RASGRP3: variants seen among roughly 807,000 people sequenced by gnomAD.
RASGRP3 encodes the protein RAS guanyl releasing protein 3.
In RASGRP3, 54 loss-of-function variants were observed where a neutral mutation model predicts 82.7. The ratio of observed to expected loss-of-function variants is 0.65; its 90% CI spans 0.52 to 0.82. The LOEUF (loss-of-function observed/expected upper bound fraction) is 0.82. Ranked by LOEUF, RASGRP3 falls within the 40% of genes least tolerant of loss-of-function variation. The pLI, the probability that RASGRP3 is intolerant of heterozygous loss-of-function variation, is 0.00. For synonymous variants in RASGRP3, 309 were observed against 300.5 expected (o/e 1.03, Z -0.29); for missense variants, 861 against 828.9 (o/e 1.04, Z -0.48).
At chr2:33,554,494 A>G (rs1574495050) in intron 14 of RASGRP3, among the ~76,000 whole-genome samples, 2 of 151,562 alleles carry the variant, frequency 1.3e-5, no homozygotes, top group African/African-American at 2.4e-5. Flanking sequence ...TTTTTTTGAG[A>G]TGGACTCTTG....
chr2:33,463,842 C>T (rs941248308), intron 2 of RASGRP3, among the ~76,000 whole-genome samples: 4 of 151,504 alleles, frequency 2.6e-5, no homozygotes, highest in Non-Finnish European at 4.4e-5. Context: ...CCTCGTGATC[C>T]GCCTGCCTCG....
At chr2:33,464,537 A>G (rs1666576271) in intron 2 of RASGRP3, among the ~76,000 whole-genome samples, 1 of 150,876 alleles carries the variant, frequency 6.6e-6, no homozygotes, top group African/African-American at 2.4e-5. Context: ...GCAGTGGCCA[A>G]TCACAGCTCA....
At position 33,537,330 on chromosome 2, in the gene RASGRP3, C is replaced by CCCCAACACA. The variant is rs66749495; in HGVS notation, c.1162-1763_1162-1762insCCAACACAC. ...TACACACACACACACACCGCCCCCC[C>CCCCAACACA]CACACACACACACAAGTATATATAT... On this transcript the variant is annotated intron_variant, in intron 11 of 17. Transcript: ENST00000403687. Among the ~76,000 whole-genome samples the CCCCAACACA allele has an allele frequency of 4.1e-3, 391 of 95,696 alleles. 20 individuals carry two copies. The highest frequency in any genetic ancestry group is 0.017 in the African/African-American group (364 of 21,910). 62.8% of individuals were successfully genotyped at this position (95,696 alleles called of 152,430 possible).
chr2:33,549,478 T>G, intron 13 of RASGRP3, 126 bp from the exon 14 acceptor site: 1 of 879,284 alleles, frequency 1.1e-6, no homozygotes, highest in Non-Finnish European at 1.7e-6. Context: ...TGAGATGTAA[T>G]AGAGAAGTGA....
chr2:33,505,459 C>T (rs1670279010), intron 1 of RASGRP3, among the ~76,000 whole-genome samples: 1 of 151,978 alleles, frequency 6.6e-6, no homozygotes, highest in Non-Finnish European at 1.5e-5. Context: ...TGAGCCACCA[C>T]TCCCGGCTAA....
Position 33,547,342 on chromosome 2 carries a change from C to CTTTTTTTTTTT in RASGRP3, c.1395-2243_1395-2233dup, listed in dbSNP as rs59601670. On this transcript the variant is annotated intron_variant, in intron 13 of 17. Transcript: ENST00000403687. ...CCCGCAAGCTTGAGAATATAGAATC[C>CTTTTTTTTTTT]TTTTTTTTTTTTTTTTTTTTTTTTT... 6.8e-3 allele frequency among the ~76,000 whole-genome samples: 461 copies of CTTTTTTTTTTT among 68,212 alleles called. 57 individuals carry two copies. Among genetic ancestry groups the CTTTTTTTTTTT allele is most frequent in the Non-Finnish European group, 9.0e-3 (351 of 39,022 alleles). The allele number at this position is 68,212 out of a possible 152,430, so 44.7% of individuals were successfully genotyped here. A position where few individuals can be genotyped will look rare whatever the true frequency, so the allele number is the denominator to read the frequency against.
At chr2:33,447,622 C>G (rs536216328) in intron 1 of RASGRP3, among the ~76,000 whole-genome samples, 10 of 151,928 alleles carry the variant, frequency 6.6e-5, no homozygotes, top group Non-Finnish European at 1.0e-4. Context: ...TTAGTAGAGA[C>G]GAGGTTTCAC....
upstream of RASGRP3, among the ~76,000 whole-genome samples, chr2:33,474,738 C>A (rs1667257187): frequency 6.6e-6 from 1 of 152,206 alleles, no homozygotes; most frequent in South Asian, 2.1e-4. Flanking sequence ...TCCCCAGAAG[C>A]CGAACAGATG....
At chr2:33,557,024 G>A (rs1676058048) in intron 15 of RASGRP3, among the ~76,000 whole-genome samples, 1 of 151,648 alleles carries the variant, frequency 6.6e-6, no homozygotes, top group Admixed American at 6.6e-5. Context: ...AATTGAAATA[G>A]ATTGAATACA....
At chr2:33,474,887 C>G (rs1473008642), upstream of RASGRP3, among the ~76,000 whole-genome samples, 1 of 152,210 alleles carries the variant, frequency 6.6e-6, no homozygotes, top group Non-Finnish European at 1.5e-5. Context: ...GCTGTTGTCG[C>G]TGTTGGGCAT....
At chr2:33,501,911 G>A (rs907248714) in intron 1 of RASGRP3, among the ~76,000 whole-genome samples, 1 of 152,184 alleles carries the variant, frequency 6.6e-6, no homozygotes, top group Non-Finnish European at 1.5e-5. Context: ...CTGCGGCTAA[G>A]CCTTAGCATA....
chr2:33,454,483 G>A (rs1014500032), intron 2 of RASGRP3, among the ~76,000 whole-genome samples: 1 of 152,158 alleles, frequency 6.6e-6, no homozygotes, highest in African/African-American at 2.4e-5. Flanking sequence ...ACATCAAAAT[G>A]GATTAAGAAT....
chr2:33,441,805 G>A (rs192701513), intron 1 of RASGRP3, among the ~76,000 whole-genome samples: 3 of 152,232 alleles, frequency 2.0e-5, no homozygotes, highest in Admixed American at 2.0e-4. Context: ...AAAGCAAAAA[G>A]TCTATCTTTT....
At chr2:33,481,724 G>C (rs987195323) in intron 1 of RASGRP3, 2 of 152,178 alleles carry the variant, frequency 1.3e-5, no homozygotes, top group Admixed American at 6.6e-5. Flanking sequence ...TGTTTTTTCA[G>C]ACAGAGTCCC....
At chr2:33,550,643 A>G (rs1675266915) in intron 14 of RASGRP3, among the ~76,000 whole-genome samples, 2 of 152,154 alleles carry the variant, frequency 1.3e-5, no homozygotes, top group Admixed American at 1.3e-4. Context: ...GAGTATGACA[A>G]TCGCCCCTTT....
chr2:33,562,850 T>G lies in RASGRP3; in HGVS notation c.*113T>G, dbSNP rs1483818333. On this transcript the variant is annotated 3_prime_UTR_variant, in exon 18 of 18. Transcript: ENST00000403687. ...AGTTATCTGGAAAGATACCTGGATG[T>G]TTACTGCCTTGGGACACTGTGGGAT... 1 of 1,386,770 alleles carries G rather than the reference T, an allele frequency of 7.2e-7. No homozygotes were observed. 85.9% of individuals were successfully genotyped at this position (1,386,770 alleles called of 1,614,324 possible).
chr2:33,555,452 G>A, intron 14 of RASGRP3, 79 bp from the exon 15 acceptor site: 3 of 1,308,362 alleles, frequency 2.3e-6, no homozygotes, highest in Admixed American at 2.0e-5. Flanking sequence ...AAGCTTCCCA[G>A]GACTTCCTTT....
intron 2 of RASGRP3, among the ~76,000 whole-genome samples, chr2:33,463,789 A>C (rs988947016): frequency 6.6e-5 from 10 of 151,858 alleles, no homozygotes; most frequent in Admixed American, 6.6e-4. Context: ...TTTAGTAGAA[A>C]TGTGGTTTCA....
At chr2:33,533,624 A>G (rs1673310761) in intron 10 of RASGRP3, 2 of 152,182 alleles carry the variant, frequency 1.3e-5, no homozygotes. Flanking sequence ...TACTTGCTAA[A>G]GGTTACAGAG....
Sources: allele counts gnomAD v4.1 joint callset (sites outside exome capture counted in the v4.1 genomes callset), GRCh38; gene constraint gnomAD v4.1.1; transcripts MANE v1.5; gene names NCBI Gene and HGNC (gene_info 2026-07-23, HGNC 2026-07-21).